Variants in GOLIM4 observed in about 807,000 individuals in gnomAD.
GOLIM4 encodes the protein 130 kDa golgi-localized phosphoprotein.
In GOLIM4, 71 loss-of-function variants were observed where a neutral mutation model predicts 107.4. The ratio of observed to expected loss-of-function variants is 0.66; its 90% CI spans 0.55 to 0.81. GOLIM4 has a LOEUF of 0.81. GOLIM4 is among the 30% of genes least tolerant of loss of function. The pLI, the probability that GOLIM4 is intolerant of heterozygous loss-of-function variation, is 0.00. For missense variants in GOLIM4, 830 were observed against 826.1 expected (o/e 1.00, Z -0.06); for synonymous variants, 327 against 294.8 (o/e 1.11, Z -1.12).
At chr3:168,088,497 C>T (rs886780335) in intron 1 of GOLIM4, among the ~76,000 whole-genome samples, 3 of 152,186 alleles carry the variant, frequency 2.0e-5, no homozygotes, top group Non-Finnish European at 4.4e-5. Flanking sequence ...AATTAAAACA[C>T]GAAGAGGCTG....
intron 2 of GOLIM4, among the ~76,000 whole-genome samples, chr3:168,047,874 G>C (rs77886350): frequency 0.023 from 3,506 of 152,106 alleles, 131 homozygotes; most frequent in African/African-American, 0.081. Context: ...AATTCATTAC[G>C]GTATAAATAT....
intron 14 of GOLIM4, among the ~76,000 whole-genome samples, chr3:168,020,391 G>A (rs73174975): frequency 0.043 from 6,568 of 152,246 alleles, 180 homozygotes; most frequent in Non-Finnish European, 0.069. Flanking sequence ...TGAGCCGTCA[G>A]AATCAGCTGG....
chr3:168,056,536 A>T (rs1719982385), intron 1 of GOLIM4, among the ~76,000 whole-genome samples: 1 of 152,194 alleles, frequency 6.6e-6, no homozygotes, highest in Admixed American at 6.5e-5. Context: ...ACACGAGCCC[A>T]TGAAAGCAGC....
chr3:168,093,393 AGT>A (rs952522821), intron 1 of GOLIM4, among the ~76,000 whole-genome samples: 2 of 152,210 alleles, frequency 1.3e-5, no homozygotes, highest in Non-Finnish European at 2.9e-5. Flanking sequence ...TCCCCTAATG[AGT>A]GTCAGGCACA....
Position 168,037,061 on chromosome 3 carries a change from TACA to T in GOLIM4, c.685-70_685-68del, listed in dbSNP as rs369057990. 1,383 of 783,868 alleles carry T rather than the reference TACA, an allele frequency of 1.8e-3. 1 individual carries two copies. Among genetic ancestry groups the T allele is most frequent in the Non-Finnish European group, 2.5e-3 (1,240 of 505,130 alleles). 48.6% of individuals were successfully genotyped at this position (783,868 alleles called of 1,614,324 possible). Reference sequence around the variant, plus strand: ...GCCCATTCATAGATGGGCATTTGGGTACACTGTAAAACTAGACAAAAATATTGT... The same window carrying T: ...GCCCATTCATAGATGGGCATTTGGGTCTGTAAAACTAGACAAAAATATTGT... On this transcript the variant is annotated intron_variant, in intron 7 of 15. Transcript: ENST00000470487.
At chr3:168,054,627 A>T (rs1443653192) in intron 1 of GOLIM4, among the ~76,000 whole-genome samples, 1 of 150,196 alleles carries the variant, frequency 6.7e-6, no homozygotes, top group Non-Finnish European at 1.5e-5. Flanking sequence ...TAATTTATTA[A>T]TTATAAAATA....
At chr3:168,012,231 A>C (rs1207636843) in intron 14 of GOLIM4, among the ~76,000 whole-genome samples, 10 of 132,910 alleles carry the variant, frequency 7.5e-5, no homozygotes, top group Non-Finnish European at 1.3e-4. Flanking sequence ...CTCGAGAACT[A>C]CATGAAGAAT....
At chr3:168,023,812 A>G (rs540790278) in intron 14 of GOLIM4, among the ~76,000 whole-genome samples, 1 of 152,354 alleles carries the variant, frequency 6.6e-6, no homozygotes, top group South Asian at 2.1e-4. Context: ...TACAACAAGC[A>G]GCATTCACCA....
At chr3:168,037,810 A>C (rs1718748225) in intron 7 of GOLIM4, among the ~76,000 whole-genome samples, 2 of 152,232 alleles carry the variant, frequency 1.3e-5, no homozygotes, top group African/African-American at 2.4e-5. Flanking sequence ...AATTAACAAA[A>C]TCAAGAGGCA....
intron 2 of GOLIM4, among the ~76,000 whole-genome samples, chr3:168,047,959 A>G (rs1234977133): frequency 1.4e-5 from 2 of 143,822 alleles, no homozygotes; most frequent in Non-Finnish European, 3.0e-5. Context: ...CAGCCCCCTC[A>G]ATATCTGTGG....
intron 1 of GOLIM4, among the ~76,000 whole-genome samples, chr3:168,091,806 AC>A (rs1279737893): frequency 3.9e-5 from 6 of 152,186 alleles, no homozygotes; most frequent in African/African-American, 1.4e-4. Context: ...AATAAGAAAA[AC>A]GTCAAGGTTC....
rs773533372 is a variant in GOLIM4, at chr3:168,043,369, T to A, written c.517+10A>T. The A allele has an allele frequency of 6.3e-7, 1 of 1,590,732 alleles. No individual in the cohort carries two copies. Among genetic ancestry groups the A allele is most frequent in the South Asian group, 1.1e-5 (1 of 87,494 alleles). ...TTAGAGATAAACTGGCTAATCAGATTTCCAAATACCTTTTAGCTTAGAAAG... is the reference window on the plus strand; with the variant it reads ...TTAGAGATAAACTGGCTAATCAGATATCCAAATACCTTTTAGCTTAGAAAG... On this transcript the variant is annotated intron_variant, in intron 5 of 15. Coordinates refer to ENST00000470487, the MANE Select transcript of GOLIM4 (RefSeq NM_014498.5).
intron 1 of GOLIM4, among the ~76,000 whole-genome samples, chr3:168,081,489 A>T (rs924572149): frequency 2.0e-5 from 3 of 152,156 alleles, no homozygotes; most frequent in Non-Finnish European, 2.9e-5. Flanking sequence ...GTGCCCTCAG[A>T]GGTGGCAAAG....
At chr3:168,050,869 T>A (rs954871551) in intron 1 of GOLIM4, among the ~76,000 whole-genome samples, 2 of 142,746 alleles carry the variant, frequency 1.4e-5, no homozygotes, top group Admixed American at 7.0e-5. Flanking sequence ...ATAATAATAA[T>A]AAAACCTAGC....
chr3:168,030,111 ACAAAC>A, intron 9 of GOLIM4, 75 bp from the exon 10 acceptor site: 1 of 1,449,528 alleles, frequency 6.9e-7, no homozygotes, highest in Non-Finnish European at 9.5e-7. Flanking sequence ...GTTTCTCCTG[ACAAAC>A]TCAGGAGGCA....
chr3:168,055,797 G>T (rs1255692199), intron 1 of GOLIM4, among the ~76,000 whole-genome samples: 2 of 104,110 alleles, frequency 1.9e-5, no homozygotes, highest in Non-Finnish European at 4.2e-5. Flanking sequence ...GCAAGACTCT[G>T]TCTCAAAAAA....
At chr3:168,069,160 A>G (rs116027154) in intron 1 of GOLIM4, among the ~76,000 whole-genome samples, 2,229 of 152,106 alleles carry the variant, frequency 0.015, 32 homozygotes, top group Non-Finnish European at 0.021. Flanking sequence ...TACACAAACT[A>G]TTTTTTTAAG....
rs184213756 is a variant in GOLIM4 at position 168,010,117 on chromosome 3, T to A, written c.*152A>T. 1.8e-6 allele frequency: 1 copy of A among 563,032 alleles called. No individual in the cohort carries two copies. Among genetic ancestry groups the A allele is most frequent in the African/African-American group, 1.9e-5 (1 of 51,848 alleles). The allele number at this position is 563,032 out of a possible 1,614,324, so 34.9% of individuals were successfully genotyped here. On this transcript the variant is annotated 3_prime_UTR_variant, in exon 16 of 16. Coordinates refer to ENST00000470487, the MANE Select transcript of GOLIM4 (RefSeq NM_014498.5). ...CCTACGTTATCAAAATATATTCATA[T>A]AAATGTATGCGCATTTCTAATACAA...
At chr3:168,068,102 TTTAAA>T (rs1197934357) in intron 1 of GOLIM4, among the ~76,000 whole-genome samples, 1 of 152,140 alleles carries the variant, frequency 6.6e-6, no homozygotes, top group Non-Finnish European at 1.5e-5. Flanking sequence ...TCATTCTGAA[TTTAAA>T]TTAATGTATA....
Sources: allele counts gnomAD v4.1 joint callset (sites outside exome capture counted in the v4.1 genomes callset), GRCh38; gene constraint gnomAD v4.1.1; transcripts MANE v1.5; gene names NCBI Gene and HGNC (gene_info 2026-07-23, HGNC 2026-07-21).